ADAMTS17: variants seen among roughly 807,000 people sequenced by gnomAD.
ADAMTS17 encodes the protein ADAM metallopeptidase with thrombospondin type 1 motif 17.
Under a neutral mutation model 141.5 loss-of-function variants are expected in ADAMTS17, and 113 were observed. The ratio of observed to expected loss-of-function variants is 0.80; its 90% CI spans 0.69 to 0.93. The LOEUF (loss-of-function observed/expected upper bound fraction) is 0.93, where lower values mean the gene tolerates loss of function less well. ADAMTS17 is among the 40% of genes least tolerant of loss of function. The pLI is 0.00. For synonymous variants in ADAMTS17, 768 were observed against 630.6 expected (o/e 1.22, Z -3.27); for missense variants, 1,659 against 1,517.9 (o/e 1.09, Z -1.54).
At position 100,096,254 on chromosome 15, in the gene ADAMTS17, T is replaced by C. The variant is rs192601332; in HGVS notation, c.2137+102A>G. On this transcript the variant is annotated intron_variant, in intron 15 of 21. Transcript: ENST00000268070. ...GTTCCAGGTCACCTATCCACTACCA[T>C]CTAGCCCTTAAATATGAAATGTAGG... The C allele has an allele frequency of 6.7e-5, 106 of 1,583,496 alleles. No individual in the cohort carries two copies. In the African/African-American group the frequency reaches 1.3e-3, roughly 20 times the overall value.
chr15:100,049,103 AT>A, intron 17 of ADAMTS17, 111 bp from the exon 18 acceptor site: 3 of 1,501,036 alleles, frequency 2.0e-6, no homozygotes, highest in Non-Finnish European at 2.8e-6. Context: ...TCACTTGGTC[AT>A]TTAAAGTGAC....
intron 8 of ADAMTS17, among the ~76,000 whole-genome samples, chr15:100,186,332 T>C (rs2040716375): frequency 6.6e-6 from 1 of 152,308 alleles, no homozygotes; most frequent in South Asian, 2.1e-4. Flanking sequence ...CATTTACCAG[T>C]GGAGTGTCCT....
At chr15:100,131,365 T>TG (rs1365326351) in intron 12 of ADAMTS17, among the ~76,000 whole-genome samples, 2 of 18,350 alleles carry the variant, frequency 1.1e-4, no homozygotes, top group Non-Finnish European at 3.3e-4. Flanking sequence ...ACTTAAAGTA[T>TG]GAAAAAAAAA....
chr15:100,329,234 G>T (rs916588590), intron 3 of ADAMTS17, among the ~76,000 whole-genome samples: 1 of 152,056 alleles, frequency 6.6e-6, no homozygotes. Context: ...AGGGGCTCAG[G>T]TTAAAAATAG....
At chr15:100,288,541 C>A (rs552691824) in intron 3 of ADAMTS17, among the ~76,000 whole-genome samples, 2 of 152,160 alleles carry the variant, frequency 1.3e-5, no homozygotes, top group African/African-American at 4.8e-5. Flanking sequence ...CAAAACTCTC[C>A]GCCCAAAAGC....
chr15:100,073,995 G>C (rs1217521790), intron 15 of ADAMTS17: 2 of 152,006 alleles, frequency 1.3e-5, no homozygotes, highest in East Asian at 3.8e-4. Context: ...TATTTTCAAG[G>C]TTAATTCTCT....
At chr15:100,098,430 TG>T (rs2035895548) in intron 14 of ADAMTS17, among the ~76,000 whole-genome samples, 1 of 151,958 alleles carries the variant, frequency 6.6e-6, no homozygotes, top group Non-Finnish European at 1.5e-5. Flanking sequence ...GGGTGGATCA[TG>T]AGGTCAGGAG....
intron 7 of ADAMTS17, among the ~76,000 whole-genome samples, chr15:100,231,342 T>C (rs1420014472): frequency 6.6e-6 from 1 of 152,216 alleles, no homozygotes; most frequent in Non-Finnish European, 1.5e-5. Context: ...TATGTCTAAC[T>C]CTCTGGCTAA....
At chr15:100,144,243 A>G (rs925418917) in intron 10 of ADAMTS17, among the ~76,000 whole-genome samples, 14 of 152,214 alleles carry the variant, frequency 9.2e-5, no homozygotes, top group East Asian at 3.8e-4. Context: ...CACAATTTAC[A>G]TGGTATAAAA....
chr15:100,137,655 AC>A (rs1406145095), intron 10 of ADAMTS17, among the ~76,000 whole-genome samples: 4 of 152,014 alleles, frequency 2.6e-5, no homozygotes, highest in African/African-American at 9.7e-5. Flanking sequence ...AGCTGAGCTC[AC>A]CCCCAAGTAA....
chr15:99,974,672 G>A (rs1481048569), intron 21 of ADAMTS17, 110 bp from the exon 22 acceptor site: 2 of 1,398,130 alleles, frequency 1.4e-6, no homozygotes, highest in Non-Finnish European at 2.0e-6. Context: ...TCACCCTCGT[G>A]CACACGTCAA....
At chr15:100,184,008 A>G (rs1293553230) in intron 8 of ADAMTS17, among the ~76,000 whole-genome samples, 4 of 152,200 alleles carry the variant, frequency 2.6e-5, no homozygotes, top group Non-Finnish European at 5.9e-5. Flanking sequence ...TTCTGGGTAC[A>G]GAGACAGCAG....
At position 99,973,980 on chromosome 15, in the gene ADAMTS17, G is replaced by T; in HGVS notation, c.*422C>A. The T allele has an allele frequency of 1.1e-5, 2 of 180,024 alleles. No homozygotes were observed. Among genetic ancestry groups the T allele is most frequent in the South Asian group, 8.3e-5 (2 of 24,120 alleles). 11.2% of individuals were successfully genotyped at this position (180,024 alleles called of 1,614,324 possible). ...CACCTGCCCCTCCCTCCATGGTGTCGCCGGCTTTCAGAATAAAGCCTTTTC... is the reference window on the plus strand; with the variant it reads ...CACCTGCCCCTCCCTCCATGGTGTCTCCGGCTTTCAGAATAAAGCCTTTTC... On this transcript the variant is annotated 3_prime_UTR_variant, in exon 22 of 22. Coordinates refer to ENST00000268070, the MANE Select transcript of ADAMTS17 (RefSeq NM_139057.4).
At chr15:100,237,280 C>T (rs1051047879) in intron 7 of ADAMTS17, among the ~76,000 whole-genome samples, 3 of 152,110 alleles carry the variant, frequency 2.0e-5, no homozygotes, top group African/African-American at 7.2e-5. Flanking sequence ...GCAGGAGGCT[C>T]TCCCTCAGTA....
At chr15:100,053,486 G>T (rs965945739) in intron 16 of ADAMTS17, among the ~76,000 whole-genome samples, 3 of 152,146 alleles carry the variant, frequency 2.0e-5, no homozygotes, top group Non-Finnish European at 4.4e-5. Flanking sequence ...GTTCATTTCC[G>T]AAAGGTAATG....
intron 10 of ADAMTS17, among the ~76,000 whole-genome samples, chr15:100,151,537 T>C (rs899049405): frequency 7.2e-5 from 11 of 152,134 alleles, no homozygotes; most frequent in African/African-American, 2.7e-4. Flanking sequence ...TGCCCAGCCA[T>C]CCACACATCC....
At chr15:100,236,931 A>G (rs1419583938) in intron 7 of ADAMTS17, among the ~76,000 whole-genome samples, 1 of 152,066 alleles carries the variant, frequency 6.6e-6, no homozygotes, top group Non-Finnish European at 1.5e-5. Context: ...CACAGGAGGG[A>G]ACTCTACGGC....
Position 100,088,475 on chromosome 15 carries a change from T to C in ADAMTS17, c.2137+7881A>G, listed in dbSNP as rs181330265. On this transcript the variant is annotated intron_variant, in intron 15 of 21. Transcript: ENST00000268070. The stretch of plus-strand genomic sequence containing the variant: ...GCTACCAATGACTTTCTTCACAGAA[T>C]TGGAAAAAACTACTTTAAAGTTCAT... Among the ~76,000 whole-genome samples, 382 of 152,270 alleles carry C rather than the reference T, an allele frequency of 2.5e-3. 2 individuals are homozygous for C. The highest frequency in any genetic ancestry group is 8.7e-3 in the African/African-American group (360 of 41,530).
In ADAMTS17 at chr15:100,035,168, T is replaced by C. The variant is rs73484703; in HGVS notation, c.2591+13689A>G. On this transcript the variant is annotated intron_variant, in intron 18 of 21. Coordinates refer to ENST00000268070, the MANE Select transcript of ADAMTS17 (RefSeq NM_139057.4). The stretch of plus-strand genomic sequence containing the variant: ...TTTGAACAGAGGCCAGGCATGCAGT[T>C]CCCCAGCAATGCTCTAGATGGTTAG... Among the ~76,000 whole-genome samples the C allele has an allele frequency of 6.2e-3, 946 of 152,240 alleles. 13 individuals carry two copies. Among genetic ancestry groups the C allele is most frequent in the African/African-American group, 0.021 (885 of 41,538 alleles).
Sources: gnomAD v4.1 joint callset for allele counts (sites outside exome capture counted in the v4.1 genomes callset) on GRCh38, gnomAD v4.1.1 for gene constraint, MANE v1.5 for transcripts, NCBI Gene and HGNC (gene_info 2026-07-23, HGNC 2026-07-21) for gene names.